Variants in CEP78 observed in about 807,000 individuals in gnomAD.
CEP78 encodes the protein centrosomal protein of 78 kDa.
In CEP78, 76 loss-of-function variants were observed where a neutral mutation model predicts 81.2. The observed-to-expected ratio is 0.94, with a 90% CI of 0.78 to 1.13. CEP78 has a LOEUF of 1.13. Among genes scored for constraint, CEP78 ranks in the 50% most tolerant of loss-of-function variants. The pLI is 0.00. For synonymous variants in CEP78, 293 were observed against 301.4 expected (o/e 0.97, Z 0.29); for missense variants, 918 against 846.8 (o/e 1.08, Z -1.04).
intron 3 of CEP78, among the ~76,000 whole-genome samples, chr9:78,240,802 A>T (rs991784138): frequency 3.9e-5 from 6 of 152,060 alleles, no homozygotes; most frequent in Admixed American, 6.5e-5. Context: ...CTACTAAAAA[A>T]ATACAAAAAA....
intron 3 of CEP78, among the ~76,000 whole-genome samples, chr9:78,241,288 A>G (rs1826216228): frequency 6.6e-6 from 1 of 152,172 alleles, no homozygotes; most frequent in South Asian, 2.1e-4. Context: ...CTAGTATAAC[A>G]CCTAATAAAA....
At chr9:78,244,210 C>T (rs1826374584) in intron 5 of CEP78, among the ~76,000 whole-genome samples, 1 of 146,654 alleles carries the variant, frequency 6.8e-6, no homozygotes, top group Non-Finnish European at 1.5e-5. Flanking sequence ...TGTAATCATA[C>T]CGCGCTGTAG....
intron 8 of CEP78, chr9:78,249,722 T>G (rs2118264107): frequency 6.6e-6 from 1 of 152,202 alleles, no homozygotes; most frequent in Non-Finnish European, 1.5e-5. Flanking sequence ...TTTTTACTGA[T>G]AAGAATGAGT....
Position 78,254,207 on chromosome 9 carries a change from A to ATGTATT in CEP78, c.1252-626_1252-621dup, listed in dbSNP as rs1374009030. On this transcript the variant is annotated intron_variant, in intron 10 of 16. Coordinates refer to ENST00000643273, the MANE Select transcript of CEP78 (RefSeq NM_001330691.3). ...TGATGTCTCAGTTTTAGTTGTGTGC[A>ATGTATT]TGTATTTGGTTAATTTTTTTTTTAA... Among the ~76,000 whole-genome samples, 5 of 152,132 alleles carry ATGTATT rather than the reference A, an allele frequency of 3.3e-5. No individual in the cohort carries two copies. In the East Asian group the frequency reaches 9.7e-4, roughly 29 times the overall value.
In CEP78 at chr9:78,277,795, T is replaced by C. The variant is rs539349204; in HGVS notation, c.*6944T>C. ...AGACTGTGTGAAGTGTTTTTTGAGA[T>C]AATAAAAAACTAGAAACAGCATAAA... is the stretch of plus-strand genomic sequence containing the variant. On this transcript the variant is annotated 3_prime_UTR_variant, in exon 17 of 17. Coordinates refer to ENST00000643273, the MANE Select transcript of CEP78 (RefSeq NM_001330691.3). 6.6e-6 allele frequency: 1 copy of C among 152,292 alleles called. No homozygotes were observed. Among genetic ancestry groups the C allele is most frequent in the East Asian group, 1.9e-4 (1 of 5,190 alleles). The allele number at this position is 152,292 out of a possible 1,614,324, so 9.4% of individuals were successfully genotyped here.
rs1827801360 is a variant in CEP78 at position 78,276,237 on chromosome 9, G to T, written c.*5386G>T. 1 of 152,180 alleles carries T rather than the reference G, an allele frequency of 6.6e-6. No homozygotes were observed. The highest frequency in any genetic ancestry group is 6.5e-5 in the Admixed American group (1 of 15,278). The allele number at this position is 152,180 out of a possible 1,614,324, so 9.4% of individuals were successfully genotyped here. A position where few individuals can be genotyped will look rare whatever the true frequency, so the allele number is the denominator to read the frequency against. Reference sequence around the variant, plus strand: ...ATTGAGTGAAGAGTAACTCACTGTAGCTCACTAAATTAACAGATTAAAGAA... The same window carrying T: ...ATTGAGTGAAGAGTAACTCACTGTATCTCACTAAATTAACAGATTAAAGAA... On this transcript the variant is annotated 3_prime_UTR_variant, in exon 17 of 17. Transcript: ENST00000643273.
At chr9:78,266,395 G>A (rs766680031) in intron 15 of CEP78, 47 bp from the exon 16 acceptor site, 3 of 1,401,748 alleles carry the variant, frequency 2.1e-6, no homozygotes, top group Non-Finnish European at 2.9e-6. Context: ...ATTTTTAAAT[G>A]GATGGCTTTG....
At chr9:78,258,733 A>G (rs1827146794) in intron 11 of CEP78, among the ~76,000 whole-genome samples, 2 of 152,238 alleles carry the variant, frequency 1.3e-5, no homozygotes, top group Non-Finnish European at 1.5e-5. Context: ...AAAAAAATCC[A>G]AGTAGCCCAT....
chr9:78,239,896 A>G (rs1428445028), intron 1 of CEP78, 127 bp from the exon 2 acceptor site: 13 of 718,452 alleles, frequency 1.8e-5, no homozygotes, highest in Non-Finnish European at 2.9e-5. Flanking sequence ...GCTTGAGTTT[A>G]CATGTGTCTG....
rs538343855 is a variant in CEP78 at position 78,253,067 on chromosome 9, A to G, written c.1206-165A>G. On this transcript the variant is annotated intron_variant, in intron 9 of 16. Transcript: ENST00000643273. ...CAAAGCCGTTCTGCTAAATTGTTCA[A>G]TTTTCTCCATAGCAGAGCTTTCCAG... 2.0e-5 allele frequency among the ~76,000 whole-genome samples: 3 copies of G among 152,210 alleles called. No homozygotes were observed. The East Asian group carries it at 5.8e-4, about 29-fold the overall frequency.
rs781146222 is a variant in CEP78, at chr9:78,275,462, G to C, written c.*4611G>C. On this transcript the variant is annotated 3_prime_UTR_variant, in exon 17 of 17. Transcript: ENST00000643273. Reference sequence around the variant, plus strand: ...TCTACTAAAAATACAAAAATTAGCCGGGCTTGGTGGCGGGCACTTGTAATC... The same window carrying C: ...TCTACTAAAAATACAAAAATTAGCCCGGCTTGGTGGCGGGCACTTGTAATC... 6.6e-6 allele frequency: 1 copy of C among 151,904 alleles called. No individual in the cohort carries two copies. Among genetic ancestry groups the C allele is most frequent in the Non-Finnish European group, 1.5e-5 (1 of 68,072 alleles). The allele number at this position is 151,904 out of a possible 1,614,324, so 9.4% of individuals were successfully genotyped here.
At chr9:78,255,138 G>A (rs1310203577) in intron 11 of CEP78, among the ~76,000 whole-genome samples, 174 bp downstream of exon 11, 4 of 152,108 alleles carry the variant, frequency 2.6e-5, no homozygotes, top group South Asian at 2.1e-4. Context: ...AAGGGAGGAC[G>A]TCTGCACTCT....
chr9:78,242,356 G>A (rs537419736), intron 4 of CEP78, among the ~76,000 whole-genome samples: 2 of 152,144 alleles, frequency 1.3e-5, no homozygotes, highest in Non-Finnish European at 2.9e-5. Flanking sequence ...CCTTTACAGC[G>A]TAAGCCCACT....
chr9:78,277,973 CCT>C lies in CEP78; in HGVS notation c.*7123_*7124del. The C allele has an allele frequency of 6.6e-6, 1 of 152,134 alleles. No individual in the cohort carries two copies. Among genetic ancestry groups the C allele is most frequent in the Admixed American group, 6.5e-5 (1 of 15,282 alleles). The allele number at this position is 152,134 out of a possible 1,614,324, so 9.4% of individuals were successfully genotyped here. A position where few individuals can be genotyped will look rare whatever the true frequency, so the allele number is the denominator to read the frequency against. Reference sequence around the variant, plus strand: ...AGAAGTTGCACAGTAACCACGCACTCCTGTTTACATTTGTATAGTTAAAACTT... The same window carrying C: ...AGAAGTTGCACAGTAACCACGCACTCGTTTACATTTGTATAGTTAAAACTT... On this transcript the variant is annotated 3_prime_UTR_variant, in exon 17 of 17. Transcript: ENST00000643273.
intron 16 of CEP78, 29 bp downstream of exon 16, chr9:78,266,732 G>A (rs771410924): frequency 6.2e-7 from 1 of 1,610,194 alleles, no homozygotes; most frequent in Non-Finnish European, 8.5e-7. Context: ...ACTCTGATAA[G>A]CAACACCCTG....
chr9:78,259,734 T>C (rs900382750), intron 11 of CEP78, among the ~76,000 whole-genome samples: 2 of 152,166 alleles, frequency 1.3e-5, no homozygotes, highest in Non-Finnish European at 2.9e-5. Context: ...AGACCTAGAG[T>C]TACTGAACTT....
rs1017337569 is a variant in CEP78 at position 78,253,619 on chromosome 9, G to A, written c.1251+342G>A. Reference sequence around the variant, plus strand: ...CTTAAGTTTAAAAGAAATGTTCTTGGGGGATACATATTTTATATGTATATA... The same window carrying A: ...CTTAAGTTTAAAAGAAATGTTCTTGAGGGATACATATTTTATATGTATATA... On this transcript the variant is annotated intron_variant, in intron 10 of 16. Coordinates refer to ENST00000643273, the MANE Select transcript of CEP78 (RefSeq NM_001330691.3). 4.9e-5 allele frequency: 10 copies of A among 203,362 alleles called. No homozygotes were observed. In the South Asian group the frequency reaches 9.5e-4, roughly 19 times the overall value. The allele number at this position is 203,362 out of a possible 1,614,324, so 12.6% of individuals were successfully genotyped here. A position where few individuals can be genotyped will look rare whatever the true frequency, so the allele number is the denominator to read the frequency against.
chr9:78,236,674 T>C, intron 1 of CEP78, 71 bp downstream of exon 1: 1 of 1,494,218 alleles, frequency 6.7e-7, no homozygotes. Context: ...GTGGTGTCCA[T>C]TGTCGGGGTA....
At chr9:78,246,082 T>C (rs540208336) in intron 5 of CEP78, among the ~76,000 whole-genome samples, 1 of 152,362 alleles carries the variant, frequency 6.6e-6, no homozygotes, top group South Asian at 2.1e-4. Flanking sequence ...TATGTAGAGT[T>C]ATTTTTCAAC....
Sources: gnomAD v4.1 joint callset for allele counts (sites outside exome capture counted in the v4.1 genomes callset) on GRCh38, gnomAD v4.1.1 for gene constraint, MANE v1.5 for transcripts, NCBI Gene and HGNC (gene_info 2026-07-23, HGNC 2026-07-21) for gene names.